The following SLC6A5 variants were observed in gnomAD, a reference collection of about 807,000 sequenced individuals.
SLC6A5 encodes sodium- and chloride-dependent glycine transporter 2.
SLC6A5 carries 58 observed loss-of-function variants against 90.5 expected under a neutral mutation model. The ratio of observed to expected loss-of-function variants is 0.64; its 90% confidence interval spans 0.52 to 0.80. The LOEUF is 0.80. Ranked by LOEUF, SLC6A5 falls within the 30% of genes least tolerant of loss-of-function variation. The probability of loss-of-function intolerance (pLI) is 0.00; values close to 1 mark genes in which losing one functional copy is unlikely to be tolerated. For missense variants in SLC6A5, 1,015 were observed against 1,017.6 expected (o/e 1.00, Z 0.03); for synonymous variants, 427 against 401.4 (o/e 1.06, Z -0.76).
chr11:20,599,832 T>C (rs552327625), intron 1 of SLC6A5, among the ~76,000 whole-genome samples, 157 bp downstream of exon 1: 1 of 152,176 alleles, frequency 6.6e-6, no homozygotes, highest in Admixed American at 6.5e-5. Context: ...GTATTTGTAC[T>C]TGTGAGCGTC....
At chr11:20,617,632 G>A (rs926563845) in intron 6 of SLC6A5, 120 bp from the exon 7 acceptor site, 2 of 834,048 alleles carry the variant, frequency 2.4e-6, no homozygotes, top group Non-Finnish European at 4.1e-6. Flanking sequence ...TGGGGTGGGT[G>A]GAGGATGCTG....
chr11:20,654,433 T>C (rs1459449255), intron 15 of SLC6A5, among the ~76,000 whole-genome samples: 2 of 152,238 alleles, frequency 1.3e-5, no homozygotes, highest in African/African-American at 4.8e-5. Flanking sequence ...TTATCCTCTA[T>C]TAATCTTGTG....
At chr11:20,620,845 G>A (rs1285261857) in intron 7 of SLC6A5, among the ~76,000 whole-genome samples, 1 of 151,648 alleles carries the variant, frequency 6.6e-6, no homozygotes, top group Non-Finnish European at 1.5e-5. Context: ...TGTCACCCAG[G>A]CTGGAGTGCA....
chr11:20,631,135 G>A (rs1025842624), intron 10 of SLC6A5, among the ~76,000 whole-genome samples: 4 of 152,220 alleles, frequency 2.6e-5, no homozygotes, highest in Admixed American at 6.5e-5. Flanking sequence ...TATGAGTAGA[G>A]AATTTATTAG....
chr11:20,613,122 A>G (rs2133782787), intron 5 of SLC6A5, among the ~76,000 whole-genome samples: 1 of 152,222 alleles, frequency 6.6e-6, no homozygotes, highest in East Asian at 1.9e-4. Context: ...CCAAAGAGAG[A>G]GCTTGTTTAC....
intron 2 of SLC6A5, 53 bp downstream of exon 2, chr11:20,601,718 G>T: frequency 6.5e-7 from 1 of 1,543,800 alleles, no homozygotes; most frequent in South Asian, 1.2e-5. Flanking sequence ...AGCTGCGCGA[G>T]AGAGGCCAGC....
In SLC6A5 at chr11:20,626,842, G is replaced by A. The variant is rs773583338; in HGVS notation, c.1395G>A (p.Thr465=). The change falls in exon 8 of 16, where the codon ACG becomes ACA. Residue 465 remains threonine (T), a splice_region_variant and synonymous_variant. Transcript: ENST00000525748. Reference sequence around the variant, plus strand: ...AGTGGGAGAAACTCACGGATGCCACGGTGGGCTTCTAATTTTATCTATAAC... The same window carrying A: ...AGTGGGAGAAACTCACGGATGCCACAGTGGGCTTCTAATTTTATCTATAAC... ...TPKWEKLTDA[T]VWKDAATQIF... The A allele has an allele frequency of 1.9e-6, 3 of 1,613,708 alleles. No homozygotes were observed. The highest frequency in any genetic ancestry group is 1.1e-5 in the South Asian group (1 of 91,062).
At chr11:20,642,047 G>A (rs1276586718) in intron 13 of SLC6A5, among the ~76,000 whole-genome samples, 10 of 151,980 alleles carry the variant, frequency 6.6e-5, no homozygotes, top group African/African-American at 2.2e-4. Flanking sequence ...ATGACTTGGG[G>A]ATTTACTTGT....
intron 7 of SLC6A5, among the ~76,000 whole-genome samples, chr11:20,622,331 C>T (rs960597858): frequency 4.6e-5 from 7 of 152,182 alleles, no homozygotes; most frequent in African/African-American, 1.4e-4. Context: ...GAGCCAGTGC[C>T]TAGTGTGCAA....
At chr11:20,606,341 A>G (rs1051642733) in intron 3 of SLC6A5, among the ~76,000 whole-genome samples, 6 of 152,232 alleles carry the variant, frequency 3.9e-5, no homozygotes, top group Non-Finnish European at 8.8e-5. Context: ...GCCTGGAGAA[A>G]GGTACTGTGG....
Position 20,622,969 on chromosome 11 carries a change from G to A in SLC6A5, c.1261-3739G>A, listed in dbSNP as rs74560791. 6.5e-4 allele frequency among the ~76,000 whole-genome samples: 99 copies of A among 152,322 alleles called. 3 individuals are homozygous for A. In the East Asian group the frequency reaches 0.014, roughly 22 times the overall value. ...ACAGCTGTGAGGCCAGCCCTGAGAC[G>A]TCAGATGCCCTTGGATTTCCTAACA... On this transcript the variant is annotated intron_variant, in intron 7 of 15. Coordinates refer to ENST00000525748, the MANE Select transcript of SLC6A5 (RefSeq NM_004211.5).
intron 2 of SLC6A5, among the ~76,000 whole-genome samples, chr11:20,603,774 G>A (rs1254108488): frequency 6.6e-6 from 1 of 152,150 alleles, no homozygotes; most frequent in Non-Finnish European, 1.5e-5. Flanking sequence ...TTCTGGTCTT[G>A]GCACACACTC....
chr11:20,626,881 G>T lies in SLC6A5; in HGVS notation c.1395+39G>T, dbSNP rs779898367. 3 of 1,596,384 alleles carry T rather than the reference G, an allele frequency of 1.9e-6. No homozygotes were observed. The South Asian group carries it at 3.3e-5, about 18-fold the overall frequency. On this transcript the variant is annotated intron_variant, in intron 8 of 15. Coordinates refer to ENST00000525748, the MANE Select transcript of SLC6A5 (RefSeq NM_004211.5). The stretch of plus-strand genomic sequence containing the variant: ...TTTATCTATAACCAGCCCTGGGGGA[G>T]TGGCCCTCTGGGAGGCTTGGGCAAA...
chr11:20,621,866 G>C (rs1852896362), intron 7 of SLC6A5, among the ~76,000 whole-genome samples: 4 of 152,240 alleles, frequency 2.6e-5, no homozygotes, highest in Admixed American at 2.0e-4. Flanking sequence ...TTTTCCAGCA[G>C]CTAGAATTCC....
At chr11:20,650,718 G>C (rs1258774161) in intron 14 of SLC6A5, among the ~76,000 whole-genome samples, 1 of 144,162 alleles carries the variant, frequency 6.9e-6, no homozygotes, top group Non-Finnish European at 1.5e-5. Context: ...CCAGGCTGGA[G>C]TGCAGTGGCG....
chr11:20,599,816 C>G (rs1276381774), intron 1 of SLC6A5, 141 bp downstream of exon 1: 2 of 999,740 alleles, frequency 2.0e-6, no homozygotes, highest in East Asian at 4.7e-5. Context: ...ATTCTCGCAG[C>G]CCTAGGTATT....
intron 13 of SLC6A5, among the ~76,000 whole-genome samples, chr11:20,640,952 T>C (rs1467282250): frequency 2.0e-5 from 3 of 152,214 alleles, no homozygotes. Context: ...CTCTAGATTC[T>C]AGAGGATATC....
At chr11:20,645,924 C>A (rs568292494) in intron 13 of SLC6A5, among the ~76,000 whole-genome samples, 108 of 152,232 alleles carry the variant, frequency 7.1e-4, no homozygotes, top group African/African-American at 2.6e-3. Flanking sequence ...CATGAGCCAC[C>A]ACGCCCGGCC....
rs1053380465 is a variant in SLC6A5 at position 20,655,008 on chromosome 11, T to A, written c.*140T>A. The A allele has an allele frequency of 9.6e-6, 9 of 934,040 alleles. No homozygotes were observed. Among genetic ancestry groups the A allele is most frequent in the Non-Finnish European group, 1.4e-5 (8 of 567,450 alleles). The allele number at this position is 934,040 out of a possible 1,614,324, so 57.9% of individuals were successfully genotyped here. On this transcript the variant is annotated 3_prime_UTR_variant, in exon 16 of 16. Coordinates refer to ENST00000525748, the MANE Select transcript of SLC6A5 (RefSeq NM_004211.5). ...ACATCCACGCATGAGAGTGATTATG[T>A]AGAAAAGTAGGCATAGTGTCGCATG... is the stretch of plus-strand genomic sequence containing the variant.
Sources: allele counts gnomAD v4.1 joint callset (sites outside exome capture counted in the v4.1 genomes callset), GRCh38; gene constraint gnomAD v4.1.1; transcripts MANE v1.5; gene names NCBI Gene and HGNC (gene_info 2026-07-23, HGNC 2026-07-21).